Variants in RAD52 observed in about 807,000 individuals in gnomAD.
The protein encoded by RAD52 is RAD52 DNA repair protein, also known as DNA repair protein RAD52 homolog.
A neutral mutation model predicts 55.5 loss-of-function variants in RAD52; 47 were observed. That is an observed-to-expected ratio of 0.85 (90% CI 0.67 to 1.08). The LOEUF is 1.08. RAD52 is among the 50% of genes least tolerant of loss of function. The probability of loss-of-function intolerance (pLI) is 0.00; values close to 1 mark genes in which losing one functional copy is unlikely to be tolerated. For missense variants in RAD52, 468 were observed against 522.8 expected (o/e 0.90, Z 1.02); for synonymous variants, 184 against 198.9 (o/e 0.92, Z 0.63).
chr12:938,657 T>C (rs952072278), intron 1 of RAD52, among the ~76,000 whole-genome samples: 4 of 152,128 alleles, frequency 2.6e-5, no homozygotes, highest in Non-Finnish European at 5.9e-5. Context: ...CACTCCAGTT[T>C]GGGTAACAGA....
At chr12:929,143 C>T (rs1005074389) in intron 5 of RAD52, among the ~76,000 whole-genome samples, 2 of 152,050 alleles carry the variant, frequency 1.3e-5, no homozygotes, top group Admixed American at 1.3e-4. Context: ...TGGGGTTACA[C>T]GAATGAGCCA....
At chr12:968,481 C>T (rs925434800) in intron 1 of RAD52, among the ~76,000 whole-genome samples, 1 of 152,060 alleles carries the variant, frequency 6.6e-6, no homozygotes, top group African/African-American at 2.4e-5. Flanking sequence ...ACTTGCAAGG[C>T]TGCCTTTATT....
intron 7 of RAD52, among the ~76,000 whole-genome samples, chr12:920,944 A>G (rs1956694276): frequency 6.6e-6 from 1 of 152,228 alleles, no homozygotes; most frequent in African/African-American, 2.4e-5. Flanking sequence ...CATATAAAGT[A>G]TCTTTTCAAT....
chr12:911,968 G>A lies in RAD52; in HGVS notation c.*1423C>T, dbSNP rs1956114905. ...AATCCTGGCAGGCGGAGGCTGCAATGAGTCAAGATGGCACCGCTGCACTCC... is the reference window on the plus strand; with the variant it reads ...AATCCTGGCAGGCGGAGGCTGCAATAAGTCAAGATGGCACCGCTGCACTCC... On this transcript the variant is annotated 3_prime_UTR_variant, in exon 12 of 12. Transcript: ENST00000358495. 5.2e-6 allele frequency: 1 copy of A among 193,634 alleles called. No homozygotes were observed. The highest frequency in any genetic ancestry group is 1.9e-4 in the South Asian group (1 of 5,148). 12.0% of individuals were successfully genotyped at this position (193,634 alleles called of 1,614,324 possible).
intron 1 of RAD52, among the ~76,000 whole-genome samples, chr12:956,640 G>A (rs577406762): frequency 4.7e-4 from 72 of 152,040 alleles, no homozygotes; most frequent in South Asian, 8.3e-4. Flanking sequence ...TCCGTCTCCC[G>A]GGCTCAAGCG....
chr12:971,886 C>T (rs1200276302), intron 1 of RAD52, among the ~76,000 whole-genome samples: 22 of 152,122 alleles, frequency 1.4e-4, no homozygotes, highest in Admixed American at 9.2e-4. Context: ...GTAGCTGGGA[C>T]TACAGGCACC....
chr12:989,151 T>G (rs902952758), intron 1 of RAD52, among the ~76,000 whole-genome samples: 1 of 152,204 alleles, frequency 6.6e-6, no homozygotes, highest in Non-Finnish European at 1.5e-5. Context: ...CTCTTCCTTA[T>G]ATAGACCTTT....
chr12:979,218 C>A (rs1348408610), intron 1 of RAD52, among the ~76,000 whole-genome samples: 1 of 151,982 alleles, frequency 6.6e-6, no homozygotes, highest in Non-Finnish European at 1.5e-5. Flanking sequence ...GGTGGGTGGA[C>A]TGTCTGAGCT....
intron 1 of RAD52, among the ~76,000 whole-genome samples, chr12:956,805 C>T (rs913330632): frequency 5.3e-5 from 8 of 152,202 alleles, no homozygotes; most frequent in Non-Finnish European, 8.8e-5. Flanking sequence ...CCTCGGCCTC[C>T]CAAAGTGCTG....
chr12:966,588 TC>T, intron 1 of RAD52, among the ~76,000 whole-genome samples: 1 of 152,192 alleles, frequency 6.6e-6, no homozygotes. Context: ...CTTTTTTTTT[TC>T]CATTCCTGAC....
intron 1 of RAD52, among the ~76,000 whole-genome samples, chr12:972,519 C>T (rs1470830542): frequency 1.3e-5 from 2 of 151,996 alleles, no homozygotes; most frequent in East Asian, 3.9e-4. Context: ...GTAATCCCAG[C>T]ACTTTGGGAG....
At chr12:970,678 G>A (rs1204114718) in intron 1 of RAD52, among the ~76,000 whole-genome samples, 1 of 152,170 alleles carries the variant, frequency 6.6e-6, no homozygotes, top group Admixed American at 6.6e-5. Flanking sequence ...TTGGGAGAGG[G>A]CATTTGGGAG....
intron 7 of RAD52, among the ~76,000 whole-genome samples, chr12:918,989 T>C (rs1246296520): frequency 6.6e-6 from 1 of 152,042 alleles, no homozygotes; most frequent in Non-Finnish European, 1.5e-5. Context: ...GAACTTTACA[T>C]ATATAAAGTT....
chr12:982,145 T>A (rs1293207408), intron 1 of RAD52, among the ~76,000 whole-genome samples: 1 of 152,242 alleles, frequency 6.6e-6, no homozygotes, highest in African/African-American at 2.4e-5. Context: ...CACAGCCAGA[T>A]AACTCTGTTG....
At chr12:948,622 T>C (rs1357553075) in intron 1 of RAD52, among the ~76,000 whole-genome samples, 2 of 152,070 alleles carry the variant, frequency 1.3e-5, no homozygotes, top group Non-Finnish European at 2.9e-5. Context: ...GGCGCCACTG[T>C]ACTCCAGCCT....
chr12:933,751 C>A (rs1957461694), intron 1 of RAD52, among the ~76,000 whole-genome samples: 1 of 152,054 alleles, frequency 6.6e-6, no homozygotes, highest in South Asian at 2.1e-4. Context: ...TGGAACATTG[C>A]TAATCCAAAA....
intron 1 of RAD52, among the ~76,000 whole-genome samples, chr12:965,935 T>C (rs535681270): frequency 1.9e-4 from 29 of 152,112 alleles, no homozygotes; most frequent in South Asian, 1.7e-3. Context: ...CCTCCCGCCT[T>C]GGCCTCCCAA....
intron 1 of RAD52, among the ~76,000 whole-genome samples, chr12:986,726 A>G (rs66517322): frequency 0.099 from 15,058 of 151,486 alleles, 1,405 homozygotes; most frequent in African/African-American, 0.24. Context: ...TGAAACCCCT[A>G]AAAGCAGCAT....
At chr12:915,533 C>T (rs1034610832) in intron 9 of RAD52, among the ~76,000 whole-genome samples, 1 of 152,142 alleles carries the variant, frequency 6.6e-6, no homozygotes, top group Non-Finnish European at 1.5e-5. Flanking sequence ...GCTGGATGGG[C>T]AGGAGAGAAC....
Sources: allele counts gnomAD v4.1 joint callset (sites outside exome capture counted in the v4.1 genomes callset), GRCh38; gene constraint gnomAD v4.1.1; transcripts MANE v1.5; gene names NCBI Gene and HGNC (gene_info 2026-07-23, HGNC 2026-07-21).